The following BACH2 variants were observed in gnomAD, a reference collection of about 807,000 sequenced individuals.
BACH2 encodes transcription regulator protein BACH2.
Under a neutral mutation model 61.8 loss-of-function variants are expected in BACH2, and 5 were observed. That is an observed-to-expected ratio of 0.08 (90% CI 0.04 to 0.17). The LOEUF is 0.17. BACH2 is among the 10% of genes least tolerant of loss of function. The pLI is 1.00. For synonymous variants in BACH2, 446 were observed against 440.1 expected, an observed-to-expected ratio of 1.01 and a Z score of -0.17; for missense variants, 824 against 1,091.1, an observed-to-expected ratio of 0.76 and a Z score of 3.45.
chr6:90,073,948 T>C (rs1305056915), intron 5 of BACH2, among the ~76,000 whole-genome samples: 1 of 152,188 alleles, frequency 6.6e-6, no homozygotes, highest in Non-Finnish European at 1.5e-5. Context: ...AAAAGGGACT[T>C]GACAAAAACG....
intron 4 of BACH2, among the ~76,000 whole-genome samples, chr6:90,153,077 G>C (rs553861566): frequency 4.6e-5 from 7 of 152,254 alleles, no homozygotes; most frequent in Admixed American, 4.6e-4. Flanking sequence ...TTAAAAATAA[G>C]ACGAAATCTC....
At chr6:90,063,853 C>T (rs1035300248) in intron 5 of BACH2, among the ~76,000 whole-genome samples, 5 of 151,858 alleles carry the variant, frequency 3.3e-5, no homozygotes. Context: ...CCAGTCTGTA[C>T]ATTTTTTCAT....
intron 4 of BACH2, among the ~76,000 whole-genome samples, chr6:90,100,190 T>C (rs1190626404): frequency 2.0e-5 from 3 of 152,228 alleles, no homozygotes; most frequent in African/African-American, 7.2e-5. Flanking sequence ...TTGATGGATA[T>C]TTGGATTGTT....
At chr6:89,980,470 T>C (rs1384158346) in intron 6 of BACH2, among the ~76,000 whole-genome samples, 2 of 152,206 alleles carry the variant, frequency 1.3e-5, no homozygotes, top group African/African-American at 2.4e-5. Context: ...TCTATTGTTA[T>C]GATTATTGCC....
intron 4 of BACH2, among the ~76,000 whole-genome samples, chr6:90,099,953 T>C (rs995632551): frequency 6.6e-6 from 1 of 152,040 alleles, no homozygotes; most frequent in African/African-American, 2.4e-5. Context: ...CCTTCAACCC[T>C]TGGCAACCAC....
intron 5 of BACH2, among the ~76,000 whole-genome samples, chr6:90,033,880 C>T (rs1252621062): frequency 1.3e-5 from 2 of 152,072 alleles, no homozygotes; most frequent in African/African-American, 4.8e-5. Flanking sequence ...TACTGGTTAC[C>T]TAGGTTGCAA....
At chr6:90,226,104 G>T (rs1769904654) in intron 3 of BACH2, among the ~76,000 whole-genome samples, 1 of 152,150 alleles carries the variant, frequency 6.6e-6, no homozygotes, top group African/African-American at 2.4e-5. Flanking sequence ...GTGGGTCTAG[G>T]ATGTTCTACA....
chr6:90,072,623 T>C (rs964841145), intron 5 of BACH2, among the ~76,000 whole-genome samples: 1 of 152,204 alleles, frequency 6.6e-6, no homozygotes, highest in African/African-American at 2.4e-5. Context: ...TCTCTGCCTT[T>C]AGCTTCTCAG....
At chr6:89,935,354 T>A (rs557643906) in intron 8 of BACH2, among the ~76,000 whole-genome samples, 28 of 152,340 alleles carry the variant, frequency 1.8e-4, no homozygotes, top group African/African-American at 6.3e-4. Context: ...GGGGCAATAC[T>A]GCTTGGGCGC....
intron 5 of BACH2, among the ~76,000 whole-genome samples, chr6:90,043,494 CCCTCCCTCCCTT>C (rs146243702): frequency 0.052 from 7,912 of 151,642 alleles, 311 homozygotes; most frequent in Middle Eastern, 0.17. Context: ...CTTCCTCTCT[CCCTCCCTCCCTT>C]CCTCCCTCCC....
chr6:90,017,737 TATA>T (rs1418220160), intron 5 of BACH2, among the ~76,000 whole-genome samples: 1 of 152,240 alleles, frequency 6.6e-6, no homozygotes, highest in Non-Finnish European at 1.5e-5. Flanking sequence ...GGAATATAGT[TATA>T]ATAACTACTG....
At chr6:90,221,277 T>C (rs1011302392) in intron 3 of BACH2, among the ~76,000 whole-genome samples, 8 of 152,212 alleles carry the variant, frequency 5.3e-5, no homozygotes, top group Non-Finnish European at 8.8e-5. Context: ...AAGTTATAAT[T>C]TTTTAATCAT....
intron 4 of BACH2, among the ~76,000 whole-genome samples, chr6:90,168,211 A>G (rs1206951864): frequency 1.3e-5 from 2 of 152,122 alleles, no homozygotes; most frequent in Non-Finnish European, 2.9e-5. Context: ...TAGAAAAATT[A>G]GTCAGGTGTG....
chr6:90,108,542 C>A (rs207262), intron 4 of BACH2, among the ~76,000 whole-genome samples: 1 of 152,068 alleles, frequency 6.6e-6, no homozygotes, highest in South Asian at 2.1e-4. Flanking sequence ...AAAGCACTTT[C>A]TGTCTAATTC....
At chr6:90,049,497 G>C (rs1243052372) in intron 5 of BACH2, among the ~76,000 whole-genome samples, 3 of 152,136 alleles carry the variant, frequency 2.0e-5, no homozygotes, top group Non-Finnish European at 4.4e-5. Flanking sequence ...GACCCTTTCA[G>C]AATGCCAGTG....
In BACH2 at chr6:89,928,403, A is replaced by T. The variant is rs1054956354; in HGVS notation, c.*4005T>A. The T allele has an allele frequency of 2.0e-5, 3 of 152,360 alleles. No homozygotes were observed. Among genetic ancestry groups the T allele is most frequent in the Admixed American group, 2.0e-4 (3 of 15,278 alleles). 9.4% of individuals were successfully genotyped at this position (152,360 alleles called of 1,614,324 possible). A position where few individuals can be genotyped will look rare whatever the true frequency, so the allele number is the denominator to read the frequency against. On this transcript the variant is annotated 3_prime_UTR_variant, in exon 9 of 9. Coordinates refer to ENST00000257749, the MANE Select transcript of BACH2 (RefSeq NM_021813.4). ...AGGATGTCAAGCAGCTTCACGGGACAGGAGTTTTTGGTGTCTTAACAGGCT... is the reference window on the plus strand; with the variant it reads ...AGGATGTCAAGCAGCTTCACGGGACTGGAGTTTTTGGTGTCTTAACAGGCT...
intron 4 of BACH2, among the ~76,000 whole-genome samples, chr6:90,196,140 T>A (rs534531687): frequency 2.6e-5 from 4 of 151,962 alleles, no homozygotes; most frequent in Non-Finnish European, 4.4e-5. Flanking sequence ...TTTTTTTTTT[T>A]AATCTCCATT....
intron 4 of BACH2, among the ~76,000 whole-genome samples, chr6:90,125,306 GC>G (rs1783799942): frequency 6.6e-6 from 1 of 152,166 alleles, no homozygotes; most frequent in African/African-American, 2.4e-5. Flanking sequence ...TCTGGGATCA[GC>G]CCCTACATCC....
intron 5 of BACH2, among the ~76,000 whole-genome samples, chr6:90,022,002 A>G (rs527520533): frequency 4.6e-5 from 7 of 152,334 alleles, no homozygotes; most frequent in Admixed American, 4.6e-4. Flanking sequence ...AATCCTTAAT[A>G]GCTCTGAATG....
Sources: gnomAD v4.1 joint callset for allele counts (sites outside exome capture counted in the v4.1 genomes callset) on GRCh38, gnomAD v4.1.1 for gene constraint, MANE v1.5 for transcripts, NCBI Gene and HGNC (gene_info 2026-07-23, HGNC 2026-07-21) for gene names.